Variants in TMEM168 observed in about 807,000 individuals in gnomAD.
TMEM168 encodes the protein transmembrane protein 168.
A neutral mutation model predicts 53.2 loss-of-function variants in TMEM168; 40 were observed. The ratio of observed to expected loss-of-function variants is 0.75; its 90% confidence interval spans 0.58 to 0.98. TMEM168 has a LOEUF of 0.98. TMEM168 is among the 50% of genes least tolerant of loss of function. TMEM168 has a pLI of 0.00. For missense variants in TMEM168, 771 were observed against 828.8 expected, an observed-to-expected ratio of 0.93 and a Z score of 0.86; for synonymous variants, 282 against 293.0, an observed-to-expected ratio of 0.96 and a Z score of 0.38.
Position 112,784,135 on chromosome 7 carries a change from T to TA in TMEM168, c.690dup (p.Ile231TyrfsTer6). The TA allele has an allele frequency of 5.0e-6, 8 of 1,613,570 alleles. No individual in the cohort carries two copies. The highest frequency in any genetic ancestry group is 2.2e-5 in the South Asian group (2 of 91,008). On this transcript the variant is annotated frameshift_variant, in exon 2 of 5. Coordinates refer to ENST00000312814, the MANE Select transcript of TMEM168 (RefSeq NM_022484.6). LOFTEE classifies it high-confidence loss of function. The stretch of plus-strand genomic sequence containing the variant: ...AGGAAAGGATCAGTTATCAGGCAAA[T>TA]AAAAAAACACGCAAAAGCAATCGGA...
intron 4 of TMEM168, 81 bp from the exon 5 acceptor site, chr7:112,767,825 G>C (rs1034593593): frequency 7.1e-6 from 9 of 1,273,980 alleles, no homozygotes; most frequent in Non-Finnish European, 7.5e-6. Flanking sequence ...TTTTCTTCTA[G>C]AGAGAAAATA....
rs1792982706 is a variant in TMEM168 at position 112,773,384 on chromosome 7, G to T, written c.1272-329C>A. ...ATTGGACAAGGTTTTTTAAAAGCAG[G>T]ATTACACTGTTTCAAGAACATCTGG... On this transcript the variant is annotated intron_variant, in intron 3 of 4. Coordinates refer to ENST00000312814, the MANE Select transcript of TMEM168 (RefSeq NM_022484.6). Among the ~76,000 whole-genome samples the T allele has an allele frequency of 2.0e-5, 3 of 151,454 alleles. No homozygotes were observed. In the South Asian group the frequency reaches 6.3e-4, roughly 32 times the overall value.
At chr7:112,781,205 C>G (rs963432028) in intron 2 of TMEM168, among the ~76,000 whole-genome samples, 3 of 151,174 alleles carry the variant, frequency 2.0e-5, no homozygotes, top group African/African-American at 7.3e-5. Context: ...CTCAGTATTA[C>G]AGAATTAGAC....
rs1026407685 is a variant in TMEM168 at position 112,765,984 on chromosome 7, A to G, written c.*1213T>C. Reference sequence around the variant, plus strand: ...CCATTTAAACAATGAAGATTAGATTATACCCCAATTTAATTCTATTCCCTT... The same window carrying G: ...CCATTTAAACAATGAAGATTAGATTGTACCCCAATTTAATTCTATTCCCTT... On this transcript the variant is annotated 3_prime_UTR_variant, in exon 5 of 5. Coordinates refer to ENST00000312814, the MANE Select transcript of TMEM168 (RefSeq NM_022484.6). The G allele has an allele frequency of 1.3e-5, 2 of 152,418 alleles. No individual in the cohort carries two copies. The highest frequency in any genetic ancestry group is 2.9e-5 in the Non-Finnish European group (2 of 68,014). 9.4% of individuals were successfully genotyped at this position (152,418 alleles called of 1,614,324 possible). A position where few individuals can be genotyped will look rare whatever the true frequency, so the allele number is the denominator to read the frequency against.
rs758196357 is a variant in TMEM168, at chr7:112,790,156, C to T, written c.-129+4G>A. 5.2e-5 allele frequency: 8 copies of T among 152,898 alleles called. No individual in the cohort carries two copies. The highest frequency in any genetic ancestry group is 1.9e-4 in the African/African-American group (8 of 41,468). The allele number at this position is 152,898 out of a possible 1,614,324, so 9.5% of individuals were successfully genotyped here. On this transcript the variant is annotated splice_donor_region_variant and intron_variant, in intron 1 of 4. Coordinates refer to ENST00000312814, the MANE Select transcript of TMEM168 (RefSeq NM_022484.6). Reference sequence around the variant, plus strand: ...CGCCCTGCCGTCCACCCATTTCTCCCTACCTGACTCGGCCGTCGCCACCAA... The same window carrying T: ...CGCCCTGCCGTCCACCCATTTCTCCTTACCTGACTCGGCCGTCGCCACCAA...
chr7:112,783,723 G>A lies in TMEM168; in HGVS notation c.1103C>T (p.Ala368Val), dbSNP rs775442568. The A allele has an allele frequency of 9.3e-6, 14 of 1,507,906 alleles. No individual in the cohort carries two copies. Among genetic ancestry groups the A allele is most frequent in the South Asian group, 2.7e-5 (2 of 73,062 alleles). The allele number at this position is 1,507,906 out of a possible 1,614,324, so 93.4% of individuals were successfully genotyped here. ...QLVFFSLLAT[A>V]ILGAVSWQPT... ...CTGCCAGGAAACTGCTCCCAAAATC[G>A]CTGTTGCAAGAAGACTAAAGAACAC... is the stretch of plus-strand genomic sequence containing the variant. Residue 368 changes from alanine (A) to valine (V), a missense_variant, in exon 2 of 5, where the codon GCG (alanine) becomes GTG (valine). Ala to Val is a moderately conservative substitution (Grantham distance 64, BLOSUM62 0). Coordinates refer to ENST00000312814, the MANE Select transcript of TMEM168 (RefSeq NM_022484.6).
intron 2 of TMEM168, 76 bp downstream of exon 2, chr7:112,783,622 A>T (rs553436312): frequency 7.5e-7 from 1 of 1,336,552 alleles, no homozygotes; most frequent in Non-Finnish European, 9.8e-7. Flanking sequence ...ACTTGACCTT[A>T]TAACTTTAAT....
chr7:112,771,511 G>A (rs1031115660), intron 4 of TMEM168, among the ~76,000 whole-genome samples: 1 of 152,142 alleles, frequency 6.6e-6, no homozygotes, highest in Admixed American at 6.5e-5. Context: ...GTAAGCTGAT[G>A]CTTAAAATGT....
intron 1 of TMEM168, 122 bp downstream of exon 1, chr7:112,790,038 C>G (rs1198255043): frequency 6.6e-6 from 1 of 152,360 alleles, no homozygotes; most frequent in Non-Finnish European, 1.5e-5. Context: ...CCTCCAGAGG[C>G]AGGTATCCTA....
intron 2 of TMEM168, among the ~76,000 whole-genome samples, chr7:112,778,059 G>A (rs765417217): frequency 3.0e-4 from 46 of 151,946 alleles, no homozygotes; most frequent in Non-Finnish European, 6.0e-4. Flanking sequence ...AGAGAGCTGC[G>A]GACATTACGA....
At chr7:112,775,415 C>A in intron 2 of TMEM168, 97 bp from the exon 3 acceptor site, 1 of 1,100,050 alleles carries the variant, frequency 9.1e-7, no homozygotes, top group Non-Finnish European at 1.2e-6. Context: ...CTTCTACTTT[C>A]AAAAAGGATA....
chr7:112,781,211 TAGAC>T (rs1183963233), intron 2 of TMEM168, among the ~76,000 whole-genome samples: 10 of 151,676 alleles, frequency 6.6e-5, no homozygotes, highest in Non-Finnish European at 1.5e-4. Flanking sequence ...ATTACAGAAT[TAGAC>T]AGAAAATTAA....
At position 112,767,755 on chromosome 7, in the gene TMEM168, G is replaced by A. The variant is rs1291424960; in HGVS notation, c.1547-11C>T. 8.2e-6 allele frequency: 13 copies of A among 1,579,844 alleles called. No homozygotes were observed. The African/African-American group carries it at 1.2e-4, about 15-fold the overall frequency. The stretch of plus-strand genomic sequence containing the variant: ...GTAGTGTATCTCCACCTGTGAACAA[G>A]AGAAAATTCAATGGAGCAATAATTT... On this transcript the variant is annotated splice_polypyrimidine_tract_variant and intron_variant, in intron 4 of 4. Coordinates refer to ENST00000312814, the MANE Select transcript of TMEM168 (RefSeq NM_022484.6).
chr7:112,789,943 A>G (rs1422715507), intron 1 of TMEM168, among the ~76,000 whole-genome samples: 9 of 152,168 alleles, frequency 5.9e-5, no homozygotes, highest in African/African-American at 1.7e-4. Context: ...CGCGACCACA[A>G]CGTGGCGCCC....
At chr7:112,781,516 A>G (rs899254575) in intron 2 of TMEM168, among the ~76,000 whole-genome samples, 1 of 152,212 alleles carries the variant, frequency 6.6e-6, no homozygotes, top group Admixed American at 6.5e-5. Flanking sequence ...GAAATTAGAA[A>G]ACATCTCACC....
chr7:112,784,857 T>A lies in TMEM168; in HGVS notation c.-32A>T. The stretch of plus-strand genomic sequence containing the variant: ...AGCAATGTGGGCTTTTCCCTCACGT[T>A]ACAAAAATTAACCGCTTGTATTTCA... On this transcript the variant is annotated 5_prime_UTR_variant, in exon 2 of 5. Transcript: ENST00000312814. 2 of 1,508,010 alleles carry A rather than the reference T, an allele frequency of 1.3e-6. No individual in the cohort carries two copies. The highest frequency in any genetic ancestry group is 1.8e-6 in the Non-Finnish European group (2 of 1,137,504). The allele number at this position is 1,508,010 out of a possible 1,614,324, so 93.4% of individuals were successfully genotyped here.
At position 112,767,745 on chromosome 7, in the gene TMEM168, C is replaced by T; in HGVS notation, c.1547-1G>A. ...GTGTCAAGGCGTAGTGTATCTCCAC[C>T]TGTGAACAAGAGAAAATTCAATGGA... is the stretch of plus-strand genomic sequence containing the variant. On this transcript the variant is annotated splice_acceptor_variant, in intron 4 of 4. Coordinates refer to ENST00000312814, the MANE Select transcript of TMEM168 (RefSeq NM_022484.6). LOFTEE classifies it high-confidence loss of function. 2 of 1,591,904 alleles carry T rather than the reference C, an allele frequency of 1.3e-6. No homozygotes were observed. Among genetic ancestry groups the T allele is most frequent in the Non-Finnish European group, 1.7e-6 (2 of 1,171,850 alleles).
Position 112,764,282 on chromosome 7 carries a change from G to C in TMEM168, c.*2915C>G, listed in dbSNP as rs1158085184. The stretch of plus-strand genomic sequence containing the variant: ...CATGAGGAAACAAATACTAAACAAA[G>C]TTATGTTGAAAAAATCTCCATGTTA... On this transcript the variant is annotated 3_prime_UTR_variant, in exon 5 of 5. Coordinates refer to ENST00000312814, the MANE Select transcript of TMEM168 (RefSeq NM_022484.6). 1 of 151,804 alleles carries C rather than the reference G, an allele frequency of 6.6e-6. No homozygotes were observed. Among genetic ancestry groups the C allele is most frequent in the Admixed American group, 6.6e-5 (1 of 15,228 alleles). 9.4% of individuals were successfully genotyped at this position (151,804 alleles called of 1,614,324 possible).
At position 112,767,358 on chromosome 7, in the gene TMEM168, G is replaced by A. The variant is rs755373271; in HGVS notation, c.1933C>T (p.Arg645Cys). 1.4e-5 allele frequency: 22 copies of A among 1,614,122 alleles called. No individual in the cohort carries two copies. Among genetic ancestry groups the A allele is most frequent in the African/African-American group, 9.3e-5 (7 of 75,032 alleles). The part of the protein sequence containing the change: ...VAKHWMLHFP[R>C]ITYPLVHLAN... The stretch of plus-strand genomic sequence containing the variant: ...AAATGCACTAGGGGATATGTAATAC[G>A]AGGAAAGTGTAACATCCAGTGCTTG... Residue 645 changes from arginine (R) to cysteine (C), a missense_variant, in exon 5 of 5, where the codon CGT becomes TGT. Arg to Cys is a radical substitution (Grantham distance 180). Coordinates refer to ENST00000312814, the MANE Select transcript of TMEM168 (RefSeq NM_022484.6).
Sources: allele counts gnomAD v4.1 joint callset (sites outside exome capture counted in the v4.1 genomes callset), GRCh38; gene constraint gnomAD v4.1.1; transcripts MANE v1.5; gene names NCBI Gene and HGNC (gene_info 2026-07-23, HGNC 2026-07-21).